Variants in RFX7 observed in about 807,000 individuals in gnomAD.
RFX7 encodes the protein DNA-binding protein RFX7.
RFX7 carries 26 observed loss-of-function variants against 111.8 expected under a neutral mutation model. The ratio of observed to expected loss-of-function variants is 0.23; its 90% CI spans 0.17 to 0.32. The LOEUF (loss-of-function observed/expected upper bound fraction) is 0.32, where lower values mean the gene tolerates loss of function less well. RFX7 is among the 10% of genes least tolerant of loss of function. The pLI, the probability that RFX7 is intolerant of heterozygous loss-of-function variation, is 1.00. For missense variants in RFX7, 1,573 were observed against 1,772.9 expected (o/e 0.89, Z 2.02); for synonymous variants, 624 against 624.4 (o/e 1.00, Z 0.01).
chr15:56,178,657 G>C (rs1181896081), intron 3 of RFX7, among the ~76,000 whole-genome samples: 4 of 152,148 alleles, frequency 2.6e-5, no homozygotes, highest in African/African-American at 9.7e-5. Context: ...TAGCTGCAAT[G>C]CTCCTTCCCT....
In RFX7 at chr15:56,094,336, C is replaced by T. The variant is rs568839360; in HGVS notation, c.3392G>A (p.Gly1131Asp). 14 of 1,613,908 alleles carry T rather than the reference C, an allele frequency of 8.7e-6. No individual in the cohort carries two copies. In the East Asian group the frequency reaches 2.9e-4, roughly 33 times the overall value. ...TTTGTTGGTGTTATTTACAGTGGCA[C>T]CTTGATGCTGCACAGGAGAGACAGG... is the stretch of plus-strand genomic sequence containing the variant. The part of the protein sequence containing the change: ...LTPVSPVQHQ[G>D]ATVNNTNKQE... The change falls in exon 10 of 10, where the codon GGT becomes GAT. Residue 1131 changes from glycine (G) to aspartate (D), a missense_variant. By Grantham distance (94) the Gly-to-Asp change is moderately conservative. This residue lies in a region of RFX7 where 411 missense variants were observed against 478.1 expected (regional missense o/e 0.86). Transcript: ENST00000559447.
At chr15:56,202,339 G>T (rs951082749) in intron 2 of RFX7, among the ~76,000 whole-genome samples, 3 of 152,062 alleles carry the variant, frequency 2.0e-5, no homozygotes, top group Admixed American at 6.6e-5. Flanking sequence ...AAATATTGAG[G>T]TACTTAAGAT....
intron 3 of RFX7, among the ~76,000 whole-genome samples, chr15:56,164,254 G>C (rs1186347939): frequency 1.3e-5 from 2 of 152,200 alleles, no homozygotes; most frequent in Non-Finnish European, 2.9e-5. Flanking sequence ...TTTTGTGGAA[G>C]AGATCTAGCT....
At chr15:56,151,686 C>A (rs1595969722) in intron 3 of RFX7, among the ~76,000 whole-genome samples, 3 of 152,312 alleles carry the variant, frequency 2.0e-5, no homozygotes, top group African/African-American at 7.2e-5. Context: ...ATCATAACGA[C>A]AGGATCAAAT....
At chr15:56,232,074 TGA>T (rs1184420417) in intron 2 of RFX7, among the ~76,000 whole-genome samples, 5 of 152,196 alleles carry the variant, frequency 3.3e-5, no homozygotes, top group African/African-American at 1.2e-4. Context: ...GGGCTGGTGT[TGA>T]GTGTCTGCAG....
intron 2 of RFX7, among the ~76,000 whole-genome samples, chr15:56,211,838 C>A (rs1596012154): frequency 6.6e-6 from 1 of 152,008 alleles, no homozygotes; most frequent in Admixed American, 6.6e-5. Flanking sequence ...ACTAAACATA[C>A]CTATTAAAAT....
intron 5 of RFX7, among the ~76,000 whole-genome samples, chr15:56,136,423 T>A (rs187634625): frequency 4.0e-4 from 58 of 146,254 alleles, no homozygotes; most frequent in Admixed American, 3.2e-3. Context: ...TGTTTGTCTG[T>A]TGCTGGTGTA....
At position 56,093,790 on chromosome 15, in the gene RFX7, G is replaced by A. The variant is rs373402398; in HGVS notation, c.3938C>T (p.Thr1313Ile). 18 of 1,613,778 alleles carry A rather than the reference G, an allele frequency of 1.1e-5. No individual in the cohort carries two copies. In the African/African-American group the frequency reaches 1.9e-4, roughly 17 times the overall value. ...DSSTSVYEFQ[T>I]PSYLTKSNST... is the part of the protein sequence containing the mutation. Reference sequence around the variant, plus strand: ...ATTACTTTTGGTGAGGTAAGATGGTGTTTGGAACTCATAAACAGAAGTGCT... The same window carrying A: ...ATTACTTTTGGTGAGGTAAGATGGTATTTGGAACTCATAAACAGAAGTGCT... The change falls in exon 10 of 10, where the codon ACA becomes ATA. Residue 1313 changes from threonine (T) to isoleucine (I), a missense_variant. Transcript: ENST00000559447.
At chr15:56,096,765 C>A (rs2041684908) in intron 9 of RFX7, 145 bp from the exon 10 acceptor site, 1 of 765,740 alleles carries the variant, frequency 1.3e-6, no homozygotes. Flanking sequence ...TTCTTCTAGA[C>A]CAGGTTCTAC....
At position 56,229,439 on chromosome 15, in the gene RFX7, G is replaced by A. The variant is rs374878567; in HGVS notation, c.161+13686C>T. The stretch of plus-strand genomic sequence containing the variant: ...CGCCACCACGCCTGGTTAATTTTTT[G>A]TATTTTTAGTAGAGACGGGGTTTCA... On this transcript the variant is annotated intron_variant, in intron 2 of 9. Transcript: ENST00000559447. Among the ~76,000 whole-genome samples the A allele has an allele frequency of 2.0e-5, 3 of 152,212 alleles. 1 individual carries two copies. Among genetic ancestry groups the A allele is most frequent in the Non-Finnish European group, 1.5e-5 (1 of 68,016 alleles).
At position 56,101,565 on chromosome 15, in the gene RFX7, A is replaced by G. The variant is rs1247702969; in HGVS notation, c.605T>C (p.Leu202Ser). 3.1e-6 allele frequency: 5 copies of G among 1,612,282 alleles called. No homozygotes were observed. Among genetic ancestry groups the G allele is most frequent in the Non-Finnish European group, 4.2e-6 (5 of 1,178,904 alleles). Residue 202 changes from leucine (L) to serine (S), a missense_variant and splice_region_variant, in exon 8 of 10, where the codon TTG (leucine) becomes TCG (serine). By Grantham distance (145) the Leu-to-Ser change is moderately radical (BLOSUM62 -2). Around this residue, in one of 7 missense-constraint regions of RFX7, gnomAD observed 288 missense variants for 337.9 expected, o/e 0.85. Transcript: ENST00000559447. ...NLDFHKTGDG[L>S]EGAEPSGQLQ... is the part of the protein sequence containing the mutation. The stretch of plus-strand genomic sequence containing the variant: ...CTGCCCAGAAGGTTCAGCTCCTTCC[A>G]ACTAGGCAAAGAAAAAAGGAAATGT...
chr15:56,162,967 G>A (rs1196646533), intron 3 of RFX7, among the ~76,000 whole-genome samples: 2 of 152,016 alleles, frequency 1.3e-5, no homozygotes, highest in South Asian at 2.1e-4. Flanking sequence ...CTCCAGTGCC[G>A]TATCACAAAA....
At chr15:56,230,663 T>TG (rs1385028039) in intron 2 of RFX7, among the ~76,000 whole-genome samples, 3 of 152,162 alleles carry the variant, frequency 2.0e-5, no homozygotes, top group Non-Finnish European at 4.4e-5. Flanking sequence ...AGAACAGCAC[T>TG]GGAAAAAAAA....
chr15:56,157,813 C>T (rs1225239844), intron 3 of RFX7, among the ~76,000 whole-genome samples: 3 of 152,172 alleles, frequency 2.0e-5, no homozygotes, highest in Non-Finnish European at 2.9e-5. Context: ...CTCCTGACCT[C>T]AATGATCTGC....
At chr15:56,177,354 T>C (rs1354215203) in intron 3 of RFX7, among the ~76,000 whole-genome samples, 1 of 152,178 alleles carries the variant, frequency 6.6e-6, no homozygotes, top group Non-Finnish European at 1.5e-5. Flanking sequence ...TGGAGTATCA[T>C]TTATCGTTAT....
chr15:56,218,922 G>A (rs2043395785), intron 2 of RFX7, among the ~76,000 whole-genome samples: 1 of 152,046 alleles, frequency 6.6e-6, no homozygotes, highest in Non-Finnish European at 1.5e-5. Flanking sequence ...GAGAATAAAT[G>A]TATATTACAA....
rs1250739478 is a variant in RFX7 at position 56,093,849 on chromosome 15, A to C, written c.3879T>G (p.Phe1293Leu). Residue 1293 changes from phenylalanine to leucine, a missense_variant, in exon 10 of 10, where the codon TTT (phenylalanine) becomes TTG (leucine). Physicochemically the swap from Phe to Leu is conservative, Grantham distance 22. This residue lies in a region of RFX7 where 411 missense variants were observed against 478.1 expected (regional missense o/e 0.86). Coordinates refer to ENST00000559447, the MANE Select transcript of RFX7 (RefSeq NM_022841.7). ...TCATATTTTGTGGGTTGGCACTAGGAAAAACAGTGGAAGGTTCCAAAATCT... is the reference window on the plus strand; with the variant it reads ...TCATATTTTGTGGGTTGGCACTAGGCAAAACAGTGGAAGGTTCCAAAATCT... ...LTQILEPSTVFPSANPQNMID... is the reference protein window; with the variant it reads ...LTQILEPSTVLPSANPQNMID... The C allele has an allele frequency of 1.1e-5, 18 of 1,613,832 alleles. No individual in the cohort carries two copies. Among genetic ancestry groups the C allele is most frequent in the Non-Finnish European group, 1.3e-5 (15 of 1,179,870 alleles).
At chr15:56,171,804 CT>C in intron 3 of RFX7, among the ~76,000 whole-genome samples, 1 of 152,212 alleles carries the variant, frequency 6.6e-6, no homozygotes, top group South Asian at 2.1e-4. Context: ...GTTTGAAGTA[CT>C]TATGTGACAT....
In RFX7 at chr15:56,094,710, A is replaced by T. The variant is rs768458479; in HGVS notation, c.3018T>A (p.His1006Gln). Residue 1006 changes from histidine (H) to glutamine (Q), a missense_variant, in exon 10 of 10, where the codon CAT becomes CAA. Around this residue, in one of 7 missense-constraint regions of RFX7, gnomAD observed 625 missense variants for 632.2 expected, o/e 0.99. Coordinates refer to ENST00000559447, the MANE Select transcript of RFX7 (RefSeq NM_022841.7). The stretch of plus-strand genomic sequence containing the variant: ...GGGGGACACTACTGCTGCAGTTAGA[A>T]TGTGGAGTACCAATGGGTGTATGTC... ...SSRHTPIGTP[H>Q]SNCSSSVPPS... 8 of 1,613,880 alleles carry T rather than the reference A, an allele frequency of 5.0e-6. No homozygotes were observed. Among genetic ancestry groups the T allele is most frequent in the Non-Finnish European group, 6.8e-6 (8 of 1,179,862 alleles).
Sources: allele counts gnomAD v4.1 joint callset (sites outside exome capture counted in the v4.1 genomes callset), GRCh38; gene constraint gnomAD v4.1.1; regional missense constraint gnomAD v4.1.1; transcripts MANE v1.5; gene names NCBI Gene and HGNC (gene_info 2026-07-23, HGNC 2026-07-21).